EEF1D: variants seen among roughly 807,000 people sequenced by gnomAD.
EEF1D encodes elongation factor 1-delta.
A neutral mutation model predicts 63.9 loss-of-function variants in EEF1D; 47 were observed. The ratio of observed to expected loss-of-function variants is 0.74; its 90% confidence interval spans 0.58 to 0.94. The LOEUF (loss-of-function observed/expected upper bound fraction) is 0.94. Ranked by LOEUF, EEF1D falls within the 40% of genes least tolerant of loss-of-function variation. The pLI is 0.00. For missense variants in EEF1D, 907 were observed against 899.0 expected, an observed-to-expected ratio of 1.01 and a Z score of -0.11; for synonymous variants, 412 against 386.1, an observed-to-expected ratio of 1.07 and a Z score of -0.79.
At chr8:143,582,431 C>T (rs913523234) in intron 5 of EEF1D, 19 of 152,462 alleles carry the variant, frequency 1.2e-4, no homozygotes, top group Admixed American at 1.3e-4. Context: ...AGCCGGAGCA[C>T]GGGAGGGCCA....
intron 2 of EEF1D, chr8:143,592,265 G>A: frequency 1.0e-6 from 1 of 985,532 alleles, no homozygotes; most frequent in Non-Finnish European, 1.2e-6. Flanking sequence ...CAGTGTTGAT[G>A]CCCTACCAGA....
Position 143,580,685 on chromosome 8 carries a change from G to C in EEF1D, c.1531C>G (p.Pro511Ala). Residue 511 changes from proline to alanine, a missense_variant, in exon 8 of 10, where the codon CCA (proline) becomes GCA (alanine). By Grantham distance (27) the Pro-to-Ala change is conservative. Coordinates refer to ENST00000618139, the MANE Select transcript of EEF1D (RefSeq NM_001130053.5). ...MRQVEPPAKK[P>A]ATPAEDDEDD... ...TCGTCATCCTCTGCTGGTGTGGCTG[G>C]CTTCTTGGCTGGGGGCTCCACTTGG... is the stretch of plus-strand genomic sequence containing the variant. 6.2e-7 allele frequency: 1 copy of C among 1,613,878 alleles called. No individual in the cohort carries two copies. The highest frequency in any genetic ancestry group is 8.5e-7 in the Non-Finnish European group (1 of 1,179,998).
rs11548167 is a variant in EEF1D, at chr8:143,581,274, C to T, written c.1342G>A (p.Val448Ile). Residue 448 changes from valine (V) to isoleucine (I), a missense_variant, in exon 6 of 10, where the codon GTC becomes ATC. Val to Ile is a conservative substitution (Grantham distance 29). Coordinates refer to ENST00000618139, the MANE Select transcript of EEF1D (RefSeq NM_001130053.5). Reference sequence around the variant, plus strand: ...TCCACTTCCAGACTGGCAATCCGGACGACGAGCTCACCGTGGTCTCCGCTG... The same window carrying T: ...TCCACTTCCAGACTGGCAATCCGGATGACGAGCTCACCGTGGTCTCCGCTG... ...GTSGDHGELV[V>I]RIASLEVENQ... 23 of 1,612,540 alleles carry T rather than the reference C, an allele frequency of 1.4e-5. No homozygotes were observed. The highest frequency in any genetic ancestry group is 2.2e-5 in the East Asian group (1 of 44,880).
At chr8:143,585,101 G>C (rs2130930604) in intron 5 of EEF1D, among the ~76,000 whole-genome samples, 1 of 152,218 alleles carries the variant, frequency 6.6e-6, no homozygotes, top group African/African-American at 2.4e-5. Context: ...GAGACAATGA[G>C]AATCTCCGGC....
In EEF1D at chr8:143,579,737, A is replaced by C; in HGVS notation, c.*55T>G. 1 of 1,500,726 alleles carries C rather than the reference A, an allele frequency of 6.7e-7. No individual in the cohort carries two copies. The highest frequency in any genetic ancestry group is 8.9e-7 in the Non-Finnish European group (1 of 1,125,628). The allele number at this position is 1,500,726 out of a possible 1,614,324, so 93.0% of individuals were successfully genotyped here. On this transcript the variant is annotated 3_prime_UTR_variant, in exon 10 of 10. Transcript: ENST00000618139. ...AGGACGGAGCCAGAGGGCCGGTCTC[A>C]GTCTTTAATCGTGGCAGGGCCTCAC...
chr8:143,586,488 G>T (rs1028348461), intron 4 of EEF1D, among the ~76,000 whole-genome samples, 198 bp from the exon 5 acceptor site: 1 of 152,232 alleles, frequency 6.6e-6, no homozygotes, highest in African/African-American at 2.4e-5. Context: ...GTCTGCGGGG[G>T]AAGGAGTGCC....
Position 143,589,971 on chromosome 8 carries a change from G to A in EEF1D, c.111C>T (p.Ala37=). The A allele has an allele frequency of 6.3e-7, 1 of 1,599,044 alleles. No homozygotes were observed. The change falls in exon 3 of 10, where the codon GCC becomes GCT. Residue 37 remains alanine, a synonymous_variant. Coordinates refer to ENST00000618139, the MANE Select transcript of EEF1D (RefSeq NM_001130053.5). ...CCTCGGCTGGCAGCTGCTGGGCGGA[G>A]GCGGCCGCCTGTGTGGCCTCGTGTT... The part of the protein sequence containing the change: ...FYEHEATQAA[A]SAQQLPAEGP...
At chr8:143,584,853 G>A (rs748169478) in intron 5 of EEF1D, among the ~76,000 whole-genome samples, 1 of 152,260 alleles carries the variant, frequency 6.6e-6, no homozygotes. Flanking sequence ...GACTAGTGAC[G>A]CCCTGTTTCC....
intron 7 of EEF1D, 104 bp from the exon 8 acceptor site, chr8:143,580,831 G>GGA: frequency 7.2e-7 from 1 of 1,386,358 alleles, no homozygotes; most frequent in Non-Finnish European, 1.0e-6. Flanking sequence ...ACTGGAGGAA[G>GGA]GGCAGCCCCT....
Position 143,580,183 on chromosome 8 carries a change from G to A in EEF1D, c.1734C>T (p.Ala578=), listed in dbSNP as rs1062391. The A allele has an allele frequency of 0.57, 921,844 of 1,612,984 alleles. 275,017 individuals carry two copies. Among genetic ancestry groups the A allele is most frequent in the Non-Finnish European group, 0.63 (738,598 of 1,179,692 alleles). Residue 578 remains alanine (A), a synonymous_variant, in exon 9 of 10, where the codon GCC becomes GCT. Coordinates refer to ENST00000618139, the MANE Select transcript of EEF1D (RefSeq NM_001130053.5). ...TAGAGCGCACACAGGCCTCCAGCTG[G>A]GCCATGTCCGTCTCATCATCCCACT... ...VKPWDDETDM[A]QLEACVRSIQ...
intron 8 of EEF1D, 148 bp from the exon 9 acceptor site, chr8:143,580,354 T>G (rs980206923): frequency 2.4e-6 from 3 of 1,234,366 alleles, no homozygotes; most frequent in South Asian, 1.5e-5. Flanking sequence ...CACACCTTCC[T>G]GCCTCCAAGT....
At chr8:143,593,133 A>G (rs1169117515) in intron 1 of EEF1D, among the ~76,000 whole-genome samples, 1 of 152,134 alleles carries the variant, frequency 6.6e-6, no homozygotes, top group Non-Finnish European at 1.5e-5. Context: ...GAGGCCCGGA[A>G]GATGACAAGG....
Position 143,580,272 on chromosome 8 carries a change from G to A in EEF1D, c.1711-66C>T. On this transcript the variant is annotated intron_variant, in intron 8 of 9. Transcript: ENST00000618139. ...CAGAACACCCAGGAAGTACCTGCAT[G>A]CACCCTACCCTCAACCACTGTGTGT... 4.0e-6 allele frequency: 6 copies of A among 1,511,328 alleles called. No individual in the cohort carries two copies. In the South Asian group the frequency reaches 4.8e-5, roughly 12 times the overall value. The allele number at this position is 1,511,328 out of a possible 1,614,324, so 93.6% of individuals were successfully genotyped here.
Position 143,580,541 on chromosome 8 carries a change from C to T in EEF1D, c.1675G>A (p.Val559Met). The change falls in exon 8 of 10, where the codon GTG becomes ATG. Residue 559 changes from valine to methionine, a missense_variant. Coordinates refer to ENST00000618139, the MANE Select transcript of EEF1D (RefSeq NM_001130053.5). ...AEKKAKKPAL[V>M]AKSSILLDVK... is the part of the protein sequence containing the mutation. ...TCCAGCAGGATGGAGGACTTGGCCACCAGTGCAGGCTTCTTGGCCTTCTTC... is the reference window on the plus strand; with the variant it reads ...TCCAGCAGGATGGAGGACTTGGCCATCAGTGCAGGCTTCTTGGCCTTCTTC... 4 of 1,613,022 alleles carry T rather than the reference C, an allele frequency of 2.5e-6. No individual in the cohort carries two copies. The highest frequency in any genetic ancestry group is 3.4e-6 in the Non-Finnish European group (4 of 1,179,860).
In EEF1D at chr8:143,586,270, G is replaced by A. The variant is rs1454885118; in HGVS notation, c.1236C>T (p.Ile412=). Residue 412 remains isoleucine (I), a synonymous_variant, in exon 5 of 10, where the codon ATC becomes ATT. Transcript: ENST00000618139. ...ASRQENGASV[I]LRDIARAREN... Reference sequence around the variant, plus strand: ...CTCTGGCTCTCGCAATGTCACGGAGGATCACGCTGGCGCCGTTCTCCTGCA... The same window carrying A: ...CTCTGGCTCTCGCAATGTCACGGAGAATCACGCTGGCGCCGTTCTCCTGCA... 6.2e-7 allele frequency: 1 copy of A among 1,607,776 alleles called. No individual in the cohort carries two copies. Among genetic ancestry groups the A allele is most frequent in the Admixed American group, 1.7e-5 (1 of 59,716 alleles).
rs767869656 is a variant in EEF1D at position 143,579,769 on chromosome 8, G to A, written c.*23C>T. Reference sequence around the variant, plus strand: ...AATCGTGGCAGGGCCTCACGCACGCGCGCACGTACACACACTCAGGCTTCA... The same window carrying A: ...AATCGTGGCAGGGCCTCACGCACGCACGCACGTACACACACTCAGGCTTCA... On this transcript the variant is annotated 3_prime_UTR_variant, in exon 10 of 10. Coordinates refer to ENST00000618139, the MANE Select transcript of EEF1D (RefSeq NM_001130053.5). The A allele has an allele frequency of 5.0e-5, 76 of 1,533,012 alleles. No homozygotes were observed. The highest frequency in any genetic ancestry group is 8.3e-5 in the African/African-American group (6 of 72,284). The allele number at this position is 1,533,012 out of a possible 1,614,324, so 95.0% of individuals were successfully genotyped here.
At chr8:143,583,958 A>G (rs1256278263) in intron 5 of EEF1D, 2 of 152,300 alleles carry the variant, frequency 1.3e-5, no homozygotes, top group East Asian at 3.8e-4. Context: ...GACCGTGAGC[A>G]GCTTCCAGCA....
intron 2 of EEF1D, chr8:143,592,202 C>T (rs1296514869): frequency 1.0e-6 from 1 of 985,534 alleles, no homozygotes; most frequent in Non-Finnish European, 1.2e-6. Flanking sequence ...ACCAGTCTCT[C>T]TGCTCCCATG....
chr8:143,591,522 C>G (rs1827957561), intron 2 of EEF1D, among the ~76,000 whole-genome samples: 1 of 152,266 alleles, frequency 6.6e-6, no homozygotes, highest in Admixed American at 6.5e-5. Flanking sequence ...ATGCCCGACT[C>G]CAGGCTCTGC....
Sources: allele counts gnomAD v4.1 joint callset (sites outside exome capture counted in the v4.1 genomes callset), GRCh38; gene constraint gnomAD v4.1.1; transcripts MANE v1.5; gene names NCBI Gene and HGNC (gene_info 2026-07-23, HGNC 2026-07-21).